COBLL1: variants seen among roughly 807,000 people sequenced by gnomAD.
COBLL1 encodes the protein cordon-bleu protein-like 1.
Under a neutral mutation model 94.8 loss-of-function variants are expected in COBLL1, and 50 were observed. That is an observed-to-expected ratio of 0.53 (90% CI 0.42 to 0.67). The LOEUF (loss-of-function observed/expected upper bound fraction) is 0.67, where lower values mean the gene tolerates loss of function less well. Among genes scored for constraint, COBLL1 ranks in the 30% least tolerant of loss-of-function variants. COBLL1 has a pLI of 0.00. For missense variants in COBLL1, 1,362 were observed against 1,348.7 expected, an observed-to-expected ratio of 1.01 and a Z score of -0.15; for synonymous variants, 448 against 473.8, an observed-to-expected ratio of 0.95 and a Z score of 0.71.
chr2:164,770,572 C>G (rs942980036), intron 2 of COBLL1, among the ~76,000 whole-genome samples: 1 of 152,048 alleles, frequency 6.6e-6, no homozygotes, highest in Non-Finnish European at 1.5e-5. Flanking sequence ...ATTCCTGGCC[C>G]GCCCAACTAC....
intron 2 of COBLL1, among the ~76,000 whole-genome samples, chr2:164,824,498 G>A (rs1293213131): frequency 1.3e-5 from 2 of 152,000 alleles, no homozygotes; most frequent in African/African-American, 4.8e-5. Flanking sequence ...AATTGGGAAA[G>A]CGTTACTTAT....
At chr2:164,834,979 G>C (rs1028463584) in intron 2 of COBLL1, among the ~76,000 whole-genome samples, 2 of 152,174 alleles carry the variant, frequency 1.3e-5, no homozygotes, top group South Asian at 4.2e-4. Flanking sequence ...TACAGGGAAG[G>C]GGGGCTCTAT....
At position 164,695,265 on chromosome 2, in the gene COBLL1, C is replaced by T; in HGVS notation, c.2127G>A (p.Gln709=). The change falls in exon 12 of 14, where the codon CAG becomes CAA. Residue 709 remains glutamine, a synonymous_variant. Transcript: ENST00000652658. The stretch of plus-strand genomic sequence containing the variant: ...AAGGTTTTGGCTTGGGATTGTAGTC[C>T]TGTCTATAAAGTGGGTAATTCTTTA... ...SYLKNYPLYR[Q]DYNPKPKPSN... is the part of the protein sequence containing the mutation. 2 of 1,613,774 alleles carry T rather than the reference C, an allele frequency of 1.2e-6. No individual in the cohort carries two copies. Among genetic ancestry groups the T allele is most frequent in the Non-Finnish European group, 1.7e-6 (2 of 1,179,894 alleles).
chr2:164,836,364 G>GT (rs1393727501), intron 2 of COBLL1, among the ~76,000 whole-genome samples: 1 of 152,064 alleles, frequency 6.6e-6, no homozygotes, highest in Admixed American at 6.6e-5. Context: ...GAAATTTATA[G>GT]TTTTTAAATA....
intron 1 of COBLL1, among the ~76,000 whole-genome samples, chr2:164,671,842 C>T (rs1019151047): frequency 5.3e-5 from 8 of 151,818 alleles, no homozygotes; most frequent in Non-Finnish European, 1.0e-4. Flanking sequence ...CTCTGTCAAT[C>T]TCAATTCTCA....
At position 164,789,064 on chromosome 2, in the gene COBLL1, CAG is replaced by C. The variant is rs1334967980; in HGVS notation, c.42-45191_42-45190del. Among the ~76,000 whole-genome samples, 13 of 144,454 alleles carry C rather than the reference CAG, an allele frequency of 9.0e-5. No homozygotes were observed. In the South Asian group the frequency reaches 2.6e-3, roughly 29 times the overall value. 94.8% of individuals were successfully genotyped at this position (144,454 alleles called of 152,430 possible). ...ACACACACACACACACACACACACA[CAG>C]ATGCAGTGGTGCATGCCTGTAGTCC... On this transcript the variant is annotated intron_variant, in intron 2 of 13. Coordinates refer to ENST00000652658, the MANE Select transcript of COBLL1 (RefSeq NM_001365672.2).
chr2:164,809,565 G>A lies in COBLL1; in HGVS notation c.41+31591C>T, dbSNP rs115329851. On this transcript the variant is annotated intron_variant, in intron 2 of 13. Coordinates refer to ENST00000652658, the MANE Select transcript of COBLL1 (RefSeq NM_001365672.2). The stretch of plus-strand genomic sequence containing the variant: ...AAATAGCCAACTCTCAGGGTATTAA[G>A]GACAATCCAAAGACAACAATGACAA... Among the ~76,000 whole-genome samples the A allele has an allele frequency of 2.6e-3, 398 of 151,918 alleles. 2 individuals are homozygous for A. The highest frequency in any genetic ancestry group is 9.3e-3 in the African/African-American group (385 of 41,520).
In COBLL1 at chr2:164,690,811, C is replaced by T. The variant is rs59164733; in HGVS notation, c.3300+1410G>A. On this transcript the variant is annotated intron_variant, in intron 13 of 13. Coordinates refer to ENST00000652658, the MANE Select transcript of COBLL1 (RefSeq NM_001365672.2). ...TACTTATGTGCTTTAAAAGTGCTTGCGAAATTTATTGAACTGAGAAACCAG... is the reference window on the plus strand; with the variant it reads ...TACTTATGTGCTTTAAAAGTGCTTGTGAAATTTATTGAACTGAGAAACCAG... Among the ~76,000 whole-genome samples the T allele has an allele frequency of 2.4e-3, 364 of 152,054 alleles. 1 individual carries two copies. Among genetic ancestry groups the T allele is most frequent in the African/African-American group, 8.1e-3 (334 of 41,460 alleles).
At chr2:164,691,636 G>A (rs1027960441) in intron 13 of COBLL1, among the ~76,000 whole-genome samples, 35 of 152,146 alleles carry the variant, frequency 2.3e-4, no homozygotes, top group African/African-American at 8.0e-4. Flanking sequence ...ACACTTGGGT[G>A]TTTTTCCTGA....
At chr2:164,772,494 A>G (rs1346235231) in intron 2 of COBLL1, among the ~76,000 whole-genome samples, 8 of 152,070 alleles carry the variant, frequency 5.3e-5, no homozygotes, top group Admixed American at 1.3e-4. Flanking sequence ...AATCTCTCCT[A>G]AGTACATGTA....
chr2:164,830,734 G>A (rs1002176588), intron 2 of COBLL1, among the ~76,000 whole-genome samples: 3 of 152,042 alleles, frequency 2.0e-5, no homozygotes, highest in South Asian at 2.1e-4. Context: ...AATATTGTTC[G>A]TTTCAGATCA....
chr2:164,775,071 G>T (rs540806471), intron 2 of COBLL1, among the ~76,000 whole-genome samples: 45 of 151,992 alleles, frequency 3.0e-4, no homozygotes, highest in Non-Finnish European at 5.4e-4. Context: ...TAGGAAAATT[G>T]CTTAAGCCCA....
At chr2:164,779,406 A>G (rs1156503624) in intron 2 of COBLL1, among the ~76,000 whole-genome samples, 1 of 152,074 alleles carries the variant, frequency 6.6e-6, no homozygotes. Flanking sequence ...CCGACAGGAA[A>G]AGCCAGGGAA....
chr2:164,817,376 A>G (rs200661313), intron 2 of COBLL1, among the ~76,000 whole-genome samples: 3,179 of 146,322 alleles, frequency 0.022, 86 homozygotes, highest in Middle Eastern at 0.066. Context: ...AAAAAAAAAA[A>G]AAGAAGAAGA....
rs1683896845 is a variant in COBLL1, at chr2:164,695,575, G to A, written c.1817C>T (p.Thr606Ile). The A allele has an allele frequency of 6.2e-7, 1 of 1,613,932 alleles. No individual in the cohort carries two copies. The highest frequency in any genetic ancestry group is 8.5e-7 in the Non-Finnish European group (1 of 1,179,928). The change falls in exon 12 of 14, where the codon ACA becomes ATA. Residue 606 changes from threonine (T) to isoleucine (I), a missense_variant. Transcript: ENST00000652658. ...AEKTKDAAIQ[T>I]TPSCNSFDGK... ...ATCAAAACTGTTACAAGAAGGGGTT[G>A]TCTGAATTGCTGCATCTTTTGTCTT...
intron 2 of COBLL1, among the ~76,000 whole-genome samples, chr2:164,755,975 T>A (rs1381679266): frequency 6.6e-6 from 1 of 152,088 alleles, no homozygotes. Context: ...TTCACCTTAC[T>A]CTAAATACAT....
rs762271558 is a variant in COBLL1, at chr2:164,743,718, C to A, written c.199G>T (p.Asp67Tyr). 2 of 1,613,420 alleles carry A rather than the reference C, an allele frequency of 1.2e-6. No individual in the cohort carries two copies. Among genetic ancestry groups the A allele is most frequent in the African/African-American group, 1.3e-5 (1 of 74,930 alleles). The part of the protein sequence containing the change: ...DVELSVVLPG[D>Y]IIKSTTVHGS... ...TGAACAGTAGTAGATTTGATAATAT[C>A]CCCAGGTAGGACCACTGAGAGTTCA... Residue 67 changes from aspartate to tyrosine, a missense_variant, in exon 3 of 14, where the codon GAT (aspartate) becomes TAT (tyrosine). By Grantham distance (160) the Asp-to-Tyr change is radical. Coordinates refer to ENST00000652658, the MANE Select transcript of COBLL1 (RefSeq NM_001365672.2).
chr2:164,678,373 C>A (rs1194051509), downstream of COBLL1, among the ~76,000 whole-genome samples: 1 of 152,058 alleles, frequency 6.6e-6, no homozygotes, highest in South Asian at 2.1e-4. Context: ...TTAACTAATA[C>A]AGTTAAAAAA....
chr2:164,754,332 T>A (rs1317858883), intron 2 of COBLL1, among the ~76,000 whole-genome samples: 2 of 152,192 alleles, frequency 1.3e-5, no homozygotes, highest in African/African-American at 2.4e-5. Context: ...GGGCTGGACT[T>A]AGTGACTCAC....
Sources: gnomAD v4.1 joint callset for allele counts (sites outside exome capture counted in the v4.1 genomes callset) on GRCh38, gnomAD v4.1.1 for gene constraint, MANE v1.5 for transcripts, NCBI Gene and HGNC (gene_info 2026-07-23, HGNC 2026-07-21) for gene names.